Variants in DUS1L observed in about 807,000 individuals in gnomAD.
The protein encoded by DUS1L is tRNA-dihydrouridine(16/17) synthase [NAD(P)(+)]-like.
DUS1L carries 56 observed loss-of-function variants against 61.2 expected under a neutral mutation model. The ratio of observed to expected loss-of-function variants is 0.92; its 90% CI spans 0.74 to 1.14. The LOEUF (loss-of-function observed/expected upper bound fraction) is 1.14. Among genes scored for constraint, DUS1L ranks in the 50% most tolerant of loss-of-function variants. The pLI, the probability that DUS1L is intolerant of heterozygous loss-of-function variation, is 0.00. For synonymous variants in DUS1L, 278 were observed against 259.5 expected (o/e 1.07, Z -0.69); for missense variants, 630 against 632.4 (o/e 1.00, Z 0.04).
rs372840884 is a variant in DUS1L, at chr17:82,060,110, G to A, written c.1023-17C>T. On this transcript the variant is annotated splice_polypyrimidine_tract_variant and intron_variant, in intron 10 of 13. Transcript: ENST00000306796. ...TCCCTGGGCCTGAGGGGAGGGCAGC[G>A]GGCAGAGCCCAAGGACACTGTGAGA... 2.4e-5 allele frequency: 39 copies of A among 1,609,486 alleles called. No homozygotes were observed. In the East Asian group the frequency reaches 2.5e-4, roughly 10 times the overall value.
chr17:82,060,328 A>AG, intron 10 of DUS1L: 1 of 613,910 alleles, frequency 1.6e-6, no homozygotes, highest in Admixed American at 3.0e-5. Context: ...CACCAGCTCC[A>AG]GGGAGGGCTG....
Position 82,064,696 on chromosome 17 carries a change from C to G in DUS1L, c.237+127G>C, listed in dbSNP as rs1448458129. On this transcript the variant is annotated intron_variant, in intron 2 of 13. Coordinates refer to ENST00000306796, the MANE Select transcript of DUS1L (RefSeq NM_022156.5). ...TGCCTGGTGCCACCTTCTCCCTCTC[C>G]TCCTGGAATTGAGCTGTCTCTGGAA... 9 of 967,718 alleles carry G rather than the reference C, an allele frequency of 9.3e-6. No individual in the cohort carries two copies. The African/African-American group carries it at 1.3e-4, about 14-fold the overall frequency. 59.9% of individuals were successfully genotyped at this position (967,718 alleles called of 1,614,324 possible). A position where few individuals can be genotyped will look rare whatever the true frequency, so the allele number is the denominator to read the frequency against.
intron 3 of DUS1L, among the ~76,000 whole-genome samples, 162 bp from the exon 4 acceptor site, chr17:82,063,680 G>A (rs1213992745): frequency 2.0e-5 from 3 of 152,236 alleles, no homozygotes; most frequent in Admixed American, 6.5e-5. Flanking sequence ...AGTTGGGGCA[G>A]TGGGACAGTC....
intron 1 of DUS1L, 147 bp from the exon 2 acceptor site, chr17:82,065,216 G>A (rs932102156): frequency 4.4e-6 from 3 of 687,648 alleles, no homozygotes; most frequent in South Asian, 4.0e-5. Flanking sequence ...GTCGGTGCAG[G>A]CTGGAGAACG....
rs2033145563 is a variant in DUS1L, at chr17:82,058,031, G to A, written c.*84C>T. Reference sequence around the variant, plus strand: ...CGTGTCTTTCCACATTAAGTAGCAGGAGATTCCCTGAGTAAAAGGCATTTT... The same window carrying A: ...CGTGTCTTTCCACATTAAGTAGCAGAAGATTCCCTGAGTAAAAGGCATTTT... On this transcript the variant is annotated 3_prime_UTR_variant, in exon 14 of 14. Coordinates refer to ENST00000306796, the MANE Select transcript of DUS1L (RefSeq NM_022156.5). 1.4e-6 allele frequency: 2 copies of A among 1,425,256 alleles called. No individual in the cohort carries two copies. Among genetic ancestry groups the A allele is most frequent in the African/African-American group, 1.4e-5 (1 of 69,054 alleles). The allele number at this position is 1,425,256 out of a possible 1,614,324, so 88.3% of individuals were successfully genotyped here.
At position 82,061,498 on chromosome 17, in the gene DUS1L, A is replaced by G. The variant is rs1598554898; in HGVS notation, c.697+120T>C. ...GGCCCATCAGAGCAGACTGGGATTG[A>G]TGAACACCATCTGTGAACAGCACCA... On this transcript the variant is annotated intron_variant, in intron 7 of 13. Coordinates refer to ENST00000306796, the MANE Select transcript of DUS1L (RefSeq NM_022156.5). 5 of 1,427,300 alleles carry G rather than the reference A, an allele frequency of 3.5e-6. No individual in the cohort carries two copies. The African/African-American group carries it at 7.0e-5, about 20-fold the overall frequency. 88.4% of individuals were successfully genotyped at this position (1,427,300 alleles called of 1,614,324 possible). A position where few individuals can be genotyped will look rare whatever the true frequency, so the allele number is the denominator to read the frequency against.
At chr17:82,063,685 ACAGT>A (rs1294974114) in intron 3 of DUS1L, among the ~76,000 whole-genome samples, 167 bp from the exon 4 acceptor site, 1 of 152,344 alleles carries the variant, frequency 6.6e-6, no homozygotes, top group African/African-American at 2.4e-5. Flanking sequence ...GGGCAGTGGG[ACAGT>A]CAGAGCAGTG....
chr17:82,064,800 C>T (rs747691334), intron 2 of DUS1L, 23 bp downstream of exon 2: 76 of 1,585,890 alleles, frequency 4.8e-5, no homozygotes, highest in Non-Finnish European at 6.0e-6. Context: ...ACCGCGGCCG[C>T]GGCCACAGCC....
At position 82,061,331 on chromosome 17, in the gene DUS1L, G is replaced by C. The variant is rs11542331; in HGVS notation, c.720C>G (p.Ala240=). 98,040 of 1,596,234 alleles carry C rather than the reference G, an allele frequency of 0.061. 3,298 individuals are homozygous for C. Among genetic ancestry groups the C allele is most frequent in the Admixed American group, 0.099 (5,722 of 57,876 alleles). ...MSAEGNLHNP[A]LFEGRSPAVW... ...CGGCAGGGCTCCGGCCCTCGAACAGGGCGGGGTTGTGCAGGTTGCCCTCTG... is the reference window on the plus strand; with the variant it reads ...CGGCAGGGCTCCGGCCCTCGAACAGCGCGGGGTTGTGCAGGTTGCCCTCTG... Residue 240 remains alanine (A), a synonymous_variant, in exon 8 of 14, where the codon GCC becomes GCG. Coordinates refer to ENST00000306796, the MANE Select transcript of DUS1L (RefSeq NM_022156.5).
intron 5 of DUS1L, among the ~76,000 whole-genome samples, chr17:82,062,549 T>TA (rs1174230027): frequency 6.6e-6 from 1 of 152,216 alleles, no homozygotes; most frequent in Non-Finnish European, 1.5e-5. Flanking sequence ...CCTCACCCTC[T>TA]AGGGAGACTG....
In DUS1L at chr17:82,058,161, C is replaced by A. The variant is rs754372101; in HGVS notation, c.1376G>T (p.Gly459Val). The stretch of plus-strand genomic sequence containing the variant: ...GACTTCGGAGAAGCCACCTGGTGTT[C>A]CAGGTGCTGCTGGCTGAGGCTCCTG... Reference protein sequence around the residue: ...ELQEPQPAAPGTPGGFSEVMG... With the variant: ...ELQEPQPAAPVTPGGFSEVMG... Residue 459 changes from glycine (G) to valine (V), a missense_variant, in exon 14 of 14, where the codon GGA (glycine) becomes GTA (valine). Transcript: ENST00000306796. The A allele has an allele frequency of 1.3e-6, 2 of 1,597,744 alleles. No individual in the cohort carries two copies. The highest frequency in any genetic ancestry group is 1.3e-5 in the African/African-American group (1 of 74,592).
At chr17:82,061,823 C>T (rs535933262) in intron 6 of DUS1L, 78 bp downstream of exon 6, 38 of 1,591,960 alleles carry the variant, frequency 2.4e-5, no homozygotes, top group African/African-American at 2.0e-4. Flanking sequence ...TCAGGCGTGC[C>T]GAGCACCCTG....
intron 11 of DUS1L, chr17:82,059,432 T>C (rs2033337282): frequency 6.0e-6 from 1 of 166,346 alleles, no homozygotes; most frequent in Admixed American, 5.7e-5. Context: ...CTGCCACCTG[T>C]TGAGGGCCCA....
rs1379169118 is a variant in DUS1L, at chr17:82,058,267, G to A, written c.1283-13C>T. 3 of 1,567,214 alleles carry A rather than the reference G, an allele frequency of 1.9e-6. No homozygotes were observed. Among genetic ancestry groups the A allele is most frequent in the African/African-American group, 2.7e-5 (2 of 73,474 alleles). The stretch of plus-strand genomic sequence containing the variant: ...AGCAATCCGTGACCTGGCAGAGCGA[G>A]TGAGAGGAGTCGGGGGTCAGGAGGC... On this transcript the variant is annotated splice_polypyrimidine_tract_variant and intron_variant, in intron 13 of 13. Transcript: ENST00000306796.
intron 5 of DUS1L, among the ~76,000 whole-genome samples, 190 bp from the exon 6 acceptor site, chr17:82,062,173 G>A (rs78560306): frequency 6.6e-6 from 1 of 152,140 alleles, no homozygotes; most frequent in East Asian, 1.9e-4. Flanking sequence ...CAGGGCTGAG[G>A]AATGGCCATC....
chr17:82,058,871 G>A, intron 11 of DUS1L, 53 bp from the exon 12 acceptor site: 1 of 1,518,898 alleles, frequency 6.6e-7, no homozygotes, highest in Non-Finnish European at 9.1e-7. Flanking sequence ...TGCCCTGGCT[G>A]TGGGGGCTGC....
In DUS1L at chr17:82,064,557, C is replaced by T. The variant is rs748307996; in HGVS notation, c.237+266G>A. Among the ~76,000 whole-genome samples, 350 of 152,330 alleles carry T rather than the reference C, an allele frequency of 2.3e-3. 1 individual carries two copies. Among genetic ancestry groups the T allele is most frequent in the Non-Finnish European group, 4.2e-3 (288 of 68,024 alleles). On this transcript the variant is annotated intron_variant, in intron 2 of 13. Transcript: ENST00000306796. ...GGCCCCAGCAGGGCTGCAAACCTCA[C>T]AGCACCCAGGCTGCCTGAGCCACTC...
intron 12 of DUS1L, 27 bp downstream of exon 12, chr17:82,058,754 G>A: frequency 6.2e-7 from 1 of 1,613,134 alleles, no homozygotes; most frequent in Non-Finnish European, 8.5e-7. Context: ...CTGAAGCCTT[G>A]GTGGCTTGCA....
At chr17:82,063,541 G>C (rs1426469701) in intron 3 of DUS1L, 23 bp from the exon 4 acceptor site, 1 of 1,613,124 alleles carries the variant, frequency 6.2e-7, no homozygotes, top group African/African-American at 1.3e-5. Context: ...AGCATGGCCT[G>C]GCTGGCACCT....
Sources: gnomAD v4.1 joint callset for allele counts (sites outside exome capture counted in the v4.1 genomes callset) on GRCh38, gnomAD v4.1.1 for gene constraint, MANE v1.5 for transcripts, NCBI Gene and HGNC (gene_info 2026-07-23, HGNC 2026-07-21) for gene names.